Variants in ADGRL3 observed in about 807,000 individuals in gnomAD.
ADGRL3 encodes calcium-independent alpha-latrotoxin receptor 3.
A neutral mutation model predicts 153.5 loss-of-function variants in ADGRL3; 62 were observed. The observed-to-expected ratio is 0.40, with a 90% CI of 0.33 to 0.50. ADGRL3 has a LOEUF of 0.50. ADGRL3 is among the 20% of genes least tolerant of loss of function. The pLI, the probability that ADGRL3 is intolerant of heterozygous loss-of-function variation, is 0.47. For synonymous variants in ADGRL3, 710 were observed against 672.5 expected (o/e 1.06, Z -0.86); for missense variants, 1,641 against 1,859.4 (o/e 0.88, Z 2.16).
chr4:61,473,895 C>T (rs898050618), intron 2 of ADGRL3, among the ~76,000 whole-genome samples: 2 of 151,890 alleles, frequency 1.3e-5, no homozygotes, highest in African/African-American at 4.8e-5. Context: ...AAAACATGAA[C>T]TTGTATATTG....
intron 1 of ADGRL3, among the ~76,000 whole-genome samples, chr4:61,258,327 T>A (rs999617186): frequency 3.3e-5 from 5 of 152,160 alleles, no homozygotes; most frequent in Admixed American, 2.0e-4. Context: ...TCTTGCTATA[T>A]TTAGTACCCA....
chr4:61,643,750 C>CT (rs1351231488), intron 5 of ADGRL3, among the ~76,000 whole-genome samples: 3 of 139,800 alleles, frequency 2.1e-5, no homozygotes, highest in Non-Finnish European at 4.6e-5. Context: ...CTAAAATTCT[C>CT]TTTTTTGGTT....
chr4:61,904,611 C>T (rs1047111938), intron 11 of ADGRL3, among the ~76,000 whole-genome samples: 1 of 151,866 alleles, frequency 6.6e-6, no homozygotes, highest in Non-Finnish European at 1.5e-5. Context: ...TTCTTTTCCA[C>T]CTTTTCGTTT....
chr4:61,773,338 T>A (rs1294497852), intron 8 of ADGRL3, among the ~76,000 whole-genome samples: 1 of 152,204 alleles, frequency 6.6e-6, no homozygotes. Flanking sequence ...GAATAAGAAT[T>A]GATCTTATAC....
At chr4:61,900,974 C>T (rs889283574) in intron 11 of ADGRL3, among the ~76,000 whole-genome samples, 1 of 152,136 alleles carries the variant, frequency 6.6e-6, no homozygotes, top group African/African-American at 2.4e-5. Flanking sequence ...GCTTGATCTC[C>T]AGCTTGCACT....
intron 9 of ADGRL3, among the ~76,000 whole-genome samples, chr4:61,865,119 G>A (rs968046533): frequency 6.6e-6 from 1 of 152,044 alleles, no homozygotes; most frequent in Non-Finnish European, 1.5e-5. Flanking sequence ...CATAAACTAC[G>A]AAATAAAATT....
At chr4:61,346,361 T>C (rs917083656) in intron 1 of ADGRL3, among the ~76,000 whole-genome samples, 1 of 149,596 alleles carries the variant, frequency 6.7e-6, no homozygotes, top group African/African-American at 2.5e-5. Flanking sequence ...CAGAAGTAGA[T>C]GGCTTGTATG....
At chr4:61,896,403 G>A (rs1295101803) in intron 11 of ADGRL3, among the ~76,000 whole-genome samples, 1 of 152,038 alleles carries the variant, frequency 6.6e-6, no homozygotes, top group African/African-American at 2.4e-5. Context: ...TATGCCAAAA[G>A]GGTTATGGGA....
At chr4:61,902,732 T>C (rs1581384608) in intron 11 of ADGRL3, among the ~76,000 whole-genome samples, 1 of 152,126 alleles carries the variant, frequency 6.6e-6, no homozygotes, top group Non-Finnish European at 1.5e-5. Flanking sequence ...CTTCTTTCTA[T>C]TCCATCTCAA....
intron 2 of ADGRL3, chr4:61,420,286 C>G (rs562617351): frequency 6.6e-6 from 1 of 150,412 alleles, no homozygotes; most frequent in South Asian, 2.1e-4. Flanking sequence ...ATTCGATTTT[C>G]TAATCAGTAT....
intron 5 of ADGRL3, among the ~76,000 whole-genome samples, chr4:61,595,715 C>T (rs955721260): frequency 6.6e-6 from 1 of 152,122 alleles, no homozygotes; most frequent in Non-Finnish European, 1.5e-5. Flanking sequence ...GGCTCTAAGC[C>T]TAGCCTAGCA....
intron 6 of ADGRL3, among the ~76,000 whole-genome samples, chr4:61,704,372 A>G: frequency 1.3e-5 from 2 of 152,334 alleles, no homozygotes; most frequent in Admixed American, 1.3e-4. Flanking sequence ...TATAAAGGTA[A>G]TGTTTATACT....
chr4:61,397,274 A>G (rs2096879333), intron 2 of ADGRL3, among the ~76,000 whole-genome samples: 1 of 151,890 alleles, frequency 6.6e-6, no homozygotes, highest in African/African-American at 2.4e-5. Flanking sequence ...TTAAATTGCA[A>G]ATGAATTTCA....
intron 4 of ADGRL3, among the ~76,000 whole-genome samples, chr4:61,578,950 G>C (rs1277019363): frequency 6.6e-6 from 1 of 152,062 alleles, no homozygotes; most frequent in African/African-American, 2.4e-5. Flanking sequence ...TGGGTCATCG[G>C]CCTATCTCTT....
intron 5 of ADGRL3, among the ~76,000 whole-genome samples, chr4:61,596,713 C>T (rs1190210956): frequency 6.6e-6 from 1 of 152,004 alleles, no homozygotes; most frequent in African/African-American, 2.4e-5. Context: ...AAATAAGTAG[C>T]TGGATGTGGT....
chr4:61,769,128 T>C (rs1315637287), intron 8 of ADGRL3, among the ~76,000 whole-genome samples: 1 of 152,054 alleles, frequency 6.6e-6, no homozygotes, highest in Non-Finnish European at 1.5e-5. Context: ...CCCTGCGTGG[T>C]CTGACACCCT....
At chr4:62,021,882 G>A (rs913159415) in intron 21 of ADGRL3, among the ~76,000 whole-genome samples, 3 of 151,994 alleles carry the variant, frequency 2.0e-5, no homozygotes, top group Non-Finnish European at 4.4e-5. Context: ...GCCTCTCCTT[G>A]GGTTCCCCTC....
At chr4:61,824,694 C>T (rs746699712) in intron 9 of ADGRL3, among the ~76,000 whole-genome samples, 1 of 152,108 alleles carries the variant, frequency 6.6e-6, no homozygotes, top group Non-Finnish European at 1.5e-5. Context: ...TCCACAGCTG[C>T]AAGGTTCCAA....
chr4:61,314,056 G>A (rs767244339), intron 1 of ADGRL3, among the ~76,000 whole-genome samples: 4 of 152,072 alleles, frequency 2.6e-5, no homozygotes, highest in Non-Finnish European at 2.9e-5. Flanking sequence ...CCTGGCAGCC[G>A]GGAACTGATT....
Sources: allele counts gnomAD v4.1 joint callset (sites outside exome capture counted in the v4.1 genomes callset), GRCh38; gene constraint gnomAD v4.1.1; transcripts MANE v1.5; gene names NCBI Gene and HGNC (gene_info 2026-07-23, HGNC 2026-07-21).